The following PDZD9 variants were observed in gnomAD, a reference collection of about 807,000 sequenced individuals.
The protein encoded by PDZD9 is PDZ domain-containing protein 9.
PDZD9 carries 13 observed loss-of-function variants against 16.3 expected under a neutral mutation model. The observed-to-expected ratio is 0.80, with a 90% confidence interval of 0.52 to 1.27. The LOEUF (loss-of-function observed/expected upper bound fraction) is 1.27, where lower values mean the gene tolerates loss of function less well. Ranked by LOEUF, PDZD9 falls within the 50% of genes most tolerant of loss-of-function variation. The pLI, the probability that PDZD9 is intolerant of heterozygous loss-of-function variation, is 0.00. For missense variants in PDZD9, 288 were observed against 310.9 expected, an observed-to-expected ratio of 0.93 and a Z score of 0.55; for synonymous variants, 120 against 111.0, an observed-to-expected ratio of 1.08 and a Z score of -0.51.
In PDZD9 at chr16:21,984,462, T is replaced by C; in HGVS notation, c.600A>G (p.Lys200=). ...KKKNHTISVG[K]DINCDVMIHR... ...GAATCATCACGTCACAATTAATGTCTTTTCCTACACTAATAGTATGGTTCT... is the reference window on the plus strand; with the variant it reads ...GAATCATCACGTCACAATTAATGTCCTTTCCTACACTAATAGTATGGTTCT... Residue 200 remains lysine, a synonymous_variant, in exon 4 of 4, where the codon AAA becomes AAG. Transcript: ENST00000424898. 6.2e-7 allele frequency: 1 copy of C among 1,613,730 alleles called. No individual in the cohort carries two copies.
rs1337950348 is a variant in PDZD9 at position 21,988,572 on chromosome 16, A to T, written c.401+30T>A. 1.4e-5 allele frequency: 22 copies of T among 1,551,114 alleles called. No individual in the cohort carries two copies. The East Asian group carries it at 4.5e-4, about 32-fold the overall frequency. On this transcript the variant is annotated intron_variant, in intron 3 of 3. Coordinates refer to ENST00000424898, the MANE Select transcript of PDZD9 (RefSeq NM_001363519.1). Reference sequence around the variant, plus strand: ...CACAGGCCCTGGGATTCTGTATTATAACAAAGAGTTCCTAAAATGAACTAT... The same window carrying T: ...CACAGGCCCTGGGATTCTGTATTATTACAAAGAGTTCCTAAAATGAACTAT...
downstream of PDZD9, among the ~76,000 whole-genome samples, chr16:21,980,055 T>C (rs1333640369): frequency 6.6e-6 from 1 of 152,220 alleles, no homozygotes; most frequent in Non-Finnish European, 1.5e-5. Context: ...CAAGCTATGA[T>C]GTTCGATACG....
chr16:21,961,354 A>G, the PDZD9 span: 1 of 448,740 alleles, frequency 2.2e-6, no homozygotes, highest in South Asian at 1.6e-5. Flanking sequence ...TGACAGAGTC[A>G]TGATGAGACC....
chr16:21,987,906 A>G (rs1048776064), intron 3 of PDZD9, among the ~76,000 whole-genome samples: 2 of 152,118 alleles, frequency 1.3e-5, no homozygotes, highest in African/African-American at 4.8e-5. Flanking sequence ...AGGATTTGCC[A>G]AGATGGGAGA....
At chr16:21,965,729 A>G in the PDZD9 span, among the ~76,000 whole-genome samples, 3 of 152,232 alleles carry the variant, frequency 2.0e-5, no homozygotes, top group Non-Finnish European at 4.4e-5. Context: ...TCATTACAGA[A>G]AAATTAAAAA....
At chr16:21,975,998 A>C in the PDZD9 span, among the ~76,000 whole-genome samples, 1 of 152,146 alleles carries the variant, frequency 6.6e-6, no homozygotes, top group Non-Finnish European at 1.5e-5. Context: ...CTTTATGAAC[A>C]TAGGAAGAAT....
chr16:21,989,298 A>G (rs759759014), intron 2 of PDZD9, among the ~76,000 whole-genome samples: 58 of 152,258 alleles, frequency 3.8e-4, no homozygotes, highest in Non-Finnish European at 6.9e-4. Flanking sequence ...TGAAGAATGT[A>G]TGCAAGATGT....
At chr16:21,995,307 G>A (rs895910740) in intron 2 of PDZD9, 22 of 453,102 alleles carry the variant, frequency 4.9e-5, no homozygotes, top group Non-Finnish European at 8.8e-5. Flanking sequence ...TTCCTGTACA[G>A]CCTGCAGAAC....
chr16:21,995,377 CAGTGCA>C (rs1899123018), intron 2 of PDZD9: 1 of 406,884 alleles, frequency 2.5e-6, no homozygotes, highest in East Asian at 7.4e-5. Flanking sequence ...TTCTTTATAG[CAGTGCA>C]AGAACGGACT....
At chr16:21,979,828 C>T (rs1197936393), downstream of PDZD9, among the ~76,000 whole-genome samples, 1 of 152,122 alleles carries the variant, frequency 6.6e-6, no homozygotes, top group African/African-American at 2.4e-5. Flanking sequence ...CCCTAATAAT[C>T]TTAACGGGAC....
chr16:21,987,621 A>G (rs1321664804), intron 3 of PDZD9, among the ~76,000 whole-genome samples: 2 of 152,092 alleles, frequency 1.3e-5, no homozygotes, highest in South Asian at 4.1e-4. Context: ...GAGTGGGTGG[A>G]AATTGTTAAG....
At chr16:21,962,223 T>C in the PDZD9 span, 1 of 530,492 alleles carries the variant, frequency 1.9e-6, no homozygotes, top group Non-Finnish European at 3.4e-6. Context: ...GTCCTCAGGG[T>C]TCATCTGTGT....
chr16:22,000,750 G>C (rs770665942), intron 1 of PDZD9, among the ~76,000 whole-genome samples: 4 of 151,540 alleles, frequency 2.6e-5, no homozygotes, highest in Non-Finnish European at 4.4e-5. Flanking sequence ...CTTGAGCCTG[G>C]GAGGCAGAGG....
the PDZD9 span, chr16:21,973,808 G>T: frequency 3.3e-6 from 4 of 1,200,174 alleles, no homozygotes; most frequent in Non-Finnish European, 4.8e-6. Flanking sequence ...TACCGTGAAG[G>T]TCCAAGTTTT....
downstream of PDZD9, chr16:21,983,305 A>C: frequency 4.2e-6 from 3 of 709,218 alleles, no homozygotes; most frequent in Non-Finnish European, 4.6e-6. Context: ...AATGCAGGTA[A>C]TTATTCCCAG....
chr16:21,988,832 T>C (rs1898951656), intron 2 of PDZD9, 41 bp from the exon 3 acceptor site: 2 of 1,482,138 alleles, frequency 1.3e-6, no homozygotes, highest in Admixed American at 4.0e-5. Flanking sequence ...AACTAGAGGT[T>C]TAAAGGGACT....
chr16:21,990,938 C>CT (rs201113241), intron 2 of PDZD9, among the ~76,000 whole-genome samples: 26 of 151,694 alleles, frequency 1.7e-4, no homozygotes, highest in African/African-American at 3.9e-4. Flanking sequence ...CTCATTACAC[C>CT]TTTTTTTTTC....
intron 3 of PDZD9, among the ~76,000 whole-genome samples, chr16:21,986,581 T>G (rs1334134619): frequency 6.6e-6 from 1 of 151,986 alleles, no homozygotes; most frequent in Non-Finnish European, 1.5e-5. Context: ...AGACCCTGTC[T>G]CAAAAATAAG....
the PDZD9 span, among the ~76,000 whole-genome samples, chr16:21,961,625 TTTATATATATATATATATATA>T: frequency 2.2e-5 from 2 of 89,676 alleles, no homozygotes; most frequent in East Asian, 7.8e-4. Context: ...TAACATAAAA[TTTATATATATATATATATATA>T]TATATATATA....
Sources: allele counts gnomAD v4.1 joint callset (sites outside exome capture counted in the v4.1 genomes callset), GRCh38; gene constraint gnomAD v4.1.1; transcripts MANE v1.5; gene names NCBI Gene and HGNC (gene_info 2026-07-23, HGNC 2026-07-21).